The following FSAF1 variants were observed in gnomAD, a reference collection of about 807,000 sequenced individuals.
FSAF1 encodes the protein 40S small subunit processome assembly factor 1.
chr1:231,225,438 T>C, the FSAF1 span: 4 of 1,600,248 alleles, frequency 2.5e-6, no homozygotes, highest in African/African-American at 4.0e-5. Flanking sequence ...TCATCCAGAT[T>C]GTTCAACCCC....
At chr1:231,233,954 T>A in the FSAF1 span, among the ~76,000 whole-genome samples, 1 of 152,234 alleles carries the variant, frequency 6.6e-6, no homozygotes, top group Admixed American at 6.5e-5. Context: ...TCCAGAGCTC[T>A]GGGTGTTTGG....
the FSAF1 span, among the ~76,000 whole-genome samples, chr1:231,227,781 G>C: frequency 2.6e-5 from 4 of 151,438 alleles, no homozygotes; most frequent in African/African-American, 9.7e-5. Context: ...AGTAAAGATG[G>C]GGTTTCACCG....
At chr1:231,238,713 G>A in the FSAF1 span, 1 of 704,396 alleles carries the variant, frequency 1.4e-6, no homozygotes, top group South Asian at 2.0e-5. Context: ...GCTATATGCT[G>A]AGTCTTGGGT....
At chr1:231,236,451 T>C in the FSAF1 span, among the ~76,000 whole-genome samples, 7 of 151,678 alleles carry the variant, frequency 4.6e-5, no homozygotes, top group Non-Finnish European at 1.0e-4. Flanking sequence ...GTTCAAAACG[T>C]AGAGTGAGCT....
the FSAF1 span, chr1:231,238,420 G>T: frequency 7.6e-5 from 12 of 158,250 alleles, no homozygotes; most frequent in Admixed American, 7.4e-4. Context: ...AAGAGTTGCT[G>T]TAAGAGTTAA....
At chr1:231,237,217 C>T in the FSAF1 span, 1 of 152,174 alleles carries the variant, frequency 6.6e-6, no homozygotes, top group African/African-American at 2.4e-5. Flanking sequence ...ATATGAAATG[C>T]TACCTGAATT....
the FSAF1 span, among the ~76,000 whole-genome samples, chr1:231,236,251 T>C: frequency 6.6e-6 from 1 of 152,184 alleles, no homozygotes; most frequent in Non-Finnish European, 1.5e-5. Context: ...TATATTCATG[T>C]GTATTTATTT....
chr1:231,241,009 G>A, the FSAF1 span: 2 of 1,607,340 alleles, frequency 1.2e-6, no homozygotes, highest in East Asian at 2.2e-5. Context: ...TGGGCTCCTG[G>A]GACCCCGCAC....
chr1:231,228,514 A>G, the FSAF1 span, among the ~76,000 whole-genome samples: 4 of 150,220 alleles, frequency 2.7e-5, no homozygotes, highest in Non-Finnish European at 5.9e-5. Flanking sequence ...TCGGAGGATC[A>G]CTTGAACTCA....
chr1:231,231,930 C>T, the FSAF1 span, among the ~76,000 whole-genome samples: 1 of 152,136 alleles, frequency 6.6e-6, no homozygotes, highest in Non-Finnish European at 1.5e-5. Flanking sequence ...ACCTCGGTGT[C>T]CTCATCCCTC....
chr1:231,235,584 C>T, the FSAF1 span, among the ~76,000 whole-genome samples: 1 of 152,056 alleles, frequency 6.6e-6, no homozygotes, highest in East Asian at 1.9e-4. Flanking sequence ...AAAAGGACTT[C>T]TTGAGATCAG....
At chr1:231,225,610 T>G in the FSAF1 span, 20 of 1,141,968 alleles carry the variant, frequency 1.8e-5, 1 homozygote, top group South Asian at 2.5e-4. Flanking sequence ...CCAAAAGTCA[T>G]TGAGATACCA....
At chr1:231,239,493 T>C in the FSAF1 span, among the ~76,000 whole-genome samples, 2 of 152,218 alleles carry the variant, frequency 1.3e-5, no homozygotes, top group African/African-American at 2.4e-5. Context: ...GTAATCCCAA[T>C]TGGCTTTATA....
At chr1:231,232,797 G>A in the FSAF1 span, among the ~76,000 whole-genome samples, 1 of 152,202 alleles carries the variant, frequency 6.6e-6, no homozygotes, top group African/African-American at 2.4e-5. Context: ...TCTATGGGGT[G>A]ATTTAGGTAT....
chr1:231,229,025 T>C, the FSAF1 span: 1 of 582,976 alleles, frequency 1.7e-6, no homozygotes, highest in South Asian at 3.0e-5. Context: ...ATACCTAACA[T>C]CTATACTACA....
chr1:231,234,148 C>T, the FSAF1 span, among the ~76,000 whole-genome samples: 1 of 152,168 alleles, frequency 6.6e-6, no homozygotes, highest in Non-Finnish European at 1.5e-5. This position sits in a 1 kb window ranked among gnomAD's most constrained non-coding sequence, Gnocchi z 4.0. Context: ...ATTAGCAATT[C>T]GCTATATGCT....
At chr1:231,232,968 G>A in the FSAF1 span, among the ~76,000 whole-genome samples, 3 of 152,152 alleles carry the variant, frequency 2.0e-5, no homozygotes, top group East Asian at 1.9e-4. Flanking sequence ...ACACCTTGAT[G>A]AGCCTAAATT....
chr1:231,227,119 GA>G, the FSAF1 span: 3 of 1,560,536 alleles, frequency 1.9e-6, no homozygotes, highest in African/African-American at 1.4e-5. Flanking sequence ...CAACTCCAAA[GA>G]AAAAAACATA....
the FSAF1 span, among the ~76,000 whole-genome samples, chr1:231,236,465 G>T: frequency 6.6e-6 from 1 of 152,164 alleles, no homozygotes; most frequent in Non-Finnish European, 1.5e-5. Flanking sequence ...GTGAGCTGAG[G>T]CTCCTGAGAA....
Sources: allele counts gnomAD v4.1 joint callset (sites outside exome capture counted in the v4.1 genomes callset), GRCh38; gene constraint gnomAD v4.1.1; non-coding constraint Gnocchi (gnomAD v3.1); transcripts MANE v1.5; gene names NCBI Gene and HGNC (gene_info 2026-07-23, HGNC 2026-07-21).